ZSCAN5A: variants seen among roughly 807,000 people sequenced by gnomAD.
ZSCAN5A encodes zinc finger and SCAN domain containing 5A, also known as zinc finger and SCAN domain-containing protein 5A.
ZSCAN5A carries 12 observed loss-of-function variants against 23.7 expected under a neutral mutation model. The ratio of observed to expected loss-of-function variants is 0.51; its 90% CI spans 0.32 to 0.82. ZSCAN5A has a LOEUF of 0.82. ZSCAN5A is among the 40% of genes least tolerant of loss of function. The pLI, the probability that ZSCAN5A is intolerant of heterozygous loss-of-function variation, is 0.03. For missense variants in ZSCAN5A, 597 were observed against 617.9 expected (o/e 0.97, Z 0.36); for synonymous variants, 257 against 239.9 (o/e 1.07, Z -0.66).
At chr19:56,232,234 C>T (rs976597987) in intron 2 of ZSCAN5A, among the ~76,000 whole-genome samples, 8 of 151,958 alleles carry the variant, frequency 5.3e-5, no homozygotes, top group African/African-American at 1.9e-4. Flanking sequence ...CTTTTGCCTC[C>T]CAAAGTGCTG....
rs573183147 is a variant in ZSCAN5A at position 56,250,276 on chromosome 19, G to A, written c.-127-25103C>T. On this transcript the variant is annotated intron_variant, in intron 2 of 5. Coordinates refer to ENST00000683990, the MANE Select transcript of ZSCAN5A (RefSeq NM_001322064.3). ...ATTGATGCCTGACTCTCACCCTCAAGAGATACGAGTTTGAGTCGATACTTG... is the reference window on the plus strand; with the variant it reads ...ATTGATGCCTGACTCTCACCCTCAAAAGATACGAGTTTGAGTCGATACTTG... Among the ~76,000 whole-genome samples the A allele has an allele frequency of 1.2e-4, 19 of 152,276 alleles. No homozygotes were observed. In the South Asian group the frequency reaches 3.9e-3, roughly 32 times the overall value.
At chr19:56,322,186 T>C (rs2147424633) in intron 2 of ZSCAN5A, 1 of 819,084 alleles carries the variant, frequency 1.2e-6, no homozygotes, top group Non-Finnish European at 2.2e-6. Flanking sequence ...TGCAGTCTGC[T>C]GCTTCAACAT....
intron 2 of ZSCAN5A, among the ~76,000 whole-genome samples, chr19:56,301,590 G>T (rs1361384967): frequency 3.9e-5 from 6 of 152,132 alleles, no homozygotes; most frequent in Non-Finnish European, 7.4e-5. Context: ...CTGTGACTAA[G>T]AATGCCTTAA....
intron 2 of ZSCAN5A, among the ~76,000 whole-genome samples, chr19:56,254,549 A>G (rs910284613): frequency 6.6e-6 from 1 of 152,130 alleles, no homozygotes; most frequent in African/African-American, 2.4e-5. Context: ...ATTGTGAATA[A>G]CGTTGCAATG....
intron 2 of ZSCAN5A, among the ~76,000 whole-genome samples, chr19:56,302,309 T>TCTCC (rs71976965): frequency 2.8e-5 from 4 of 144,500 alleles, no homozygotes; most frequent in Admixed American, 6.9e-5. Context: ...TTCCCTCTTT[T>TCTCC]CTCCCTCCCT....
chr19:56,366,665 G>T (rs1287113313), intron 1 of ZSCAN5A, among the ~76,000 whole-genome samples: 1 of 152,138 alleles, frequency 6.6e-6, no homozygotes, highest in African/African-American at 2.4e-5. Flanking sequence ...TCTTTGCCTT[G>T]TTTCTGAGTT....
intron 2 of ZSCAN5A, among the ~76,000 whole-genome samples, chr19:56,260,375 C>G (rs572175518): frequency 3.3e-5 from 5 of 151,912 alleles, no homozygotes; most frequent in Non-Finnish European, 5.9e-5. Context: ...CCACCACGCC[C>G]GGCTAGTTAT....
Position 56,285,483 on chromosome 19 carries a change from A to T in ZSCAN5A, c.-128+27800T>A, listed in dbSNP as rs558375056. 9.2e-5 allele frequency among the ~76,000 whole-genome samples: 14 copies of T among 152,330 alleles called. 1 individual carries two copies. The South Asian group carries it at 1.9e-3, about 20-fold the overall frequency. ...TTTACCTCTTTCAAATACCTGAGAAATGCTTCGTGTGTACTCCCATAATTT... is the reference window on the plus strand; with the variant it reads ...TTTACCTCTTTCAAATACCTGAGAATTGCTTCGTGTGTACTCCCATAATTT... On this transcript the variant is annotated intron_variant, in intron 2 of 5. Transcript: ENST00000683990.
At chr19:56,322,072 C>G (rs2041381786) in intron 2 of ZSCAN5A, 2 of 768,250 alleles carry the variant, frequency 2.6e-6, no homozygotes, top group Admixed American at 1.7e-5. Context: ...GCCACTTCCT[C>G]TTTCTTCTCC....
intron 2 of ZSCAN5A, among the ~76,000 whole-genome samples, chr19:56,238,117 C>CGG (rs2035130712): frequency 6.6e-6 from 1 of 151,304 alleles, no homozygotes; most frequent in Admixed American, 6.6e-5. Context: ...TACGAACACA[C>CGG]ACCCACACAC....
In ZSCAN5A at chr19:56,225,024, G is replaced by T; in HGVS notation, c.23C>A (p.Ser8Ter). 1.2e-6 allele frequency: 2 copies of T among 1,603,922 alleles called. No individual in the cohort carries two copies. Among genetic ancestry groups the T allele is most frequent in the Non-Finnish European group, 1.7e-6 (2 of 1,173,562 alleles). The change falls in exon 3 of 6, where the codon TCA becomes TAA. Residue 8 changes from serine (S) to a stop codon, truncating the protein, a stop_gained. Transcript: ENST00000683990. LOFTEE classifies it high-confidence loss of function. ...GTTGCAGGATTCTCCTAGACTCCAT[G>T]AGGATGTGCAATTTGCAGCCATATC... MAANCTS[S>*]WSLGESCNRP...
intron 2 of ZSCAN5A, among the ~76,000 whole-genome samples, chr19:56,335,244 G>GA (rs34944246): frequency 2.1e-3 from 305 of 147,014 alleles, no homozygotes; most frequent in South Asian, 3.0e-3. Flanking sequence ...GACAAGGATA[G>GA]AAAAAAAAAA....
intron 2 of ZSCAN5A, among the ~76,000 whole-genome samples, chr19:56,233,404 A>G (rs1459184403): frequency 6.6e-6 from 1 of 152,138 alleles, no homozygotes; most frequent in East Asian, 1.9e-4. Flanking sequence ...TGAGAATGAA[A>G]TGAGAGGACA....
intron 2 of ZSCAN5A, among the ~76,000 whole-genome samples, chr19:56,337,678 C>T (rs1049895392): frequency 2.0e-5 from 3 of 152,220 alleles, no homozygotes; most frequent in African/African-American, 7.2e-5. Context: ...TTCTGCGTCA[C>T]TCATGCTGGG....
intron 2 of ZSCAN5A, among the ~76,000 whole-genome samples, chr19:56,326,879 G>A (rs896375997): frequency 6.6e-6 from 1 of 152,110 alleles, no homozygotes; most frequent in African/African-American, 2.4e-5. Flanking sequence ...CCAGCCTTGA[G>A]CAGAACATAG....
chr19:56,305,162 T>A (rs901550128), intron 2 of ZSCAN5A, among the ~76,000 whole-genome samples: 5 of 152,140 alleles, frequency 3.3e-5, no homozygotes, highest in Non-Finnish European at 7.3e-5. Context: ...TTCAGTACAC[T>A]CAAAATATTG....
At chr19:56,299,029 G>C (rs2040060441) in intron 2 of ZSCAN5A, among the ~76,000 whole-genome samples, 1 of 152,086 alleles carries the variant, frequency 6.6e-6, no homozygotes, top group Admixed American at 6.6e-5. Flanking sequence ...GGTTTAATAG[G>C]TAAAAACAAA....
intron 2 of ZSCAN5A, chr19:56,243,965 T>G: frequency 1.6e-6 from 1 of 606,626 alleles, no homozygotes; most frequent in South Asian, 2.2e-5. Context: ...AAAGGAGGCC[T>G]GTCTAGATAG....
At chr19:56,260,399 A>G (rs935867234) in intron 2 of ZSCAN5A, among the ~76,000 whole-genome samples, 1 of 151,820 alleles carries the variant, frequency 6.6e-6, no homozygotes, top group African/African-American at 2.4e-5. Context: ...TTTTTAGTAG[A>G]GATGGGGTTT....
Sources: allele counts gnomAD v4.1 joint callset (sites outside exome capture counted in the v4.1 genomes callset), GRCh38; gene constraint gnomAD v4.1.1; transcripts MANE v1.5; gene names NCBI Gene and HGNC (gene_info 2026-07-23, HGNC 2026-07-21).